The following CCNT2 variants were observed in gnomAD, a reference collection of about 807,000 sequenced individuals.
CCNT2 encodes cyclin-T2.
A neutral mutation model predicts 70.0 loss-of-function variants in CCNT2; 18 were observed. The observed-to-expected ratio is 0.26, with a 90% CI of 0.18 to 0.38. CCNT2 has a LOEUF of 0.38. Ranked by LOEUF, CCNT2 falls within the 10% of genes least tolerant of loss-of-function variation. CCNT2 has a pLI of 1.00. For missense variants in CCNT2, 734 were observed against 890.2 expected (o/e 0.82, Z 2.23); for synonymous variants, 334 against 313.3 (o/e 1.07, Z -0.70).
At position 134,952,996 on chromosome 2, in the gene CCNT2, G is replaced by C; in HGVS notation, c.775-234G>C. 3 of 490,148 alleles carry C rather than the reference G, an allele frequency of 6.1e-6. No individual in the cohort carries two copies. The South Asian group carries it at 1.1e-4, about 19-fold the overall frequency. 30.4% of individuals were successfully genotyped at this position (490,148 alleles called of 1,614,324 possible). ...GACAAGTTAAATTACTTTCTGAAGT[G>C]CTGGGCTAGGATTTAACTTGTATCT... On this transcript the variant is annotated intron_variant, in intron 8 of 8. Transcript: ENST00000264157.
At chr2:134,939,208 G>T (rs1681383021) in intron 4 of CCNT2, 146 bp downstream of exon 4, 2 of 572,468 alleles carry the variant, frequency 3.5e-6, no homozygotes, top group Admixed American at 3.1e-5. Flanking sequence ...CTGGTTATAA[G>T]GAAATTACTT....
At chr2:134,919,110 G>C in intron 1 of CCNT2, 98 bp downstream of exon 1, 1 of 1,363,622 alleles carries the variant, frequency 7.3e-7, no homozygotes. Flanking sequence ...CTCGGCCTTC[G>C]CTGGGCCTCG....
rs1490843897 is a variant in CCNT2 at position 134,953,963 on chromosome 2, G to A, written c.1508G>A (p.Gly503Glu). 1.2e-6 allele frequency: 2 copies of A among 1,613,912 alleles called. No individual in the cohort carries two copies. Among genetic ancestry groups the A allele is most frequent in the Non-Finnish European group, 1.7e-6 (2 of 1,179,956 alleles). The change falls in exon 9 of 9, where the codon GGG (glycine) becomes GAG (glutamate). Residue 503 changes from glycine (G) to glutamate (E), a missense_variant. Physicochemically the swap from Gly to Glu is moderately conservative, Grantham distance 98. Transcript: ENST00000264157. ...ATGGCAGACAAAAAGGAAAAGAGTG[G>A]GTCACTGAAATTACGGATTCCAATA... is the stretch of plus-strand genomic sequence containing the variant. ...KYMADKKEKS[G>E]SLKLRIPIPP...
At chr2:134,926,276 T>C (rs1197759030) in intron 2 of CCNT2, among the ~76,000 whole-genome samples, 1 of 152,244 alleles carries the variant, frequency 6.6e-6, no homozygotes, top group Non-Finnish European at 1.5e-5. Flanking sequence ...AAAAAGGTGA[T>C]GTACCTTCAG....
intron 2 of CCNT2, among the ~76,000 whole-genome samples, chr2:134,932,669 G>A (rs1355520132): frequency 6.6e-6 from 1 of 152,160 alleles, no homozygotes; most frequent in Non-Finnish European, 1.5e-5. Flanking sequence ...ATTCCTTAGT[G>A]CTGGTGTTTC....
rs1241865261 is a variant in CCNT2 at position 134,955,576 on chromosome 2, C to T, written c.*928C>T. The T allele has an allele frequency of 6.6e-6, 1 of 152,634 alleles. No individual in the cohort carries two copies. Among genetic ancestry groups the T allele is most frequent in the Non-Finnish European group, 1.5e-5 (1 of 68,046 alleles). The allele number at this position is 152,634 out of a possible 1,614,324, so 9.5% of individuals were successfully genotyped here. A position where few individuals can be genotyped will look rare whatever the true frequency, so the allele number is the denominator to read the frequency against. On this transcript the variant is annotated 3_prime_UTR_variant, in exon 9 of 9. Transcript: ENST00000264157. ...GATTTGAAAACTAAATTCACAATAACTTACCTAGTAGAGATTTAGTGAGTT... is the reference window on the plus strand; with the variant it reads ...GATTTGAAAACTAAATTCACAATAATTTACCTAGTAGAGATTTAGTGAGTT...
At chr2:134,948,808 G>A (rs1028896161) in intron 7 of CCNT2, among the ~76,000 whole-genome samples, 6 of 148,928 alleles carry the variant, frequency 4.0e-5, no homozygotes, top group African/African-American at 7.4e-5. Flanking sequence ...TCCACCTCCC[G>A]AGTTCAAGCA....
rs143154373 is a variant in CCNT2, at chr2:134,930,750, A to G, written c.241-6091A>G. Among the ~76,000 whole-genome samples the G allele has an allele frequency of 2.0e-3, 308 of 151,716 alleles. 2 individuals are homozygous for G. The highest frequency in any genetic ancestry group is 7.1e-3 in the African/African-American group (293 of 41,350). Reference sequence around the variant, plus strand: ...CCCTATTCTATGCATTGTCATTTTTATGTTCTTGGTGGTATTTGCAGCACA... The same window carrying G: ...CCCTATTCTATGCATTGTCATTTTTGTGTTCTTGGTGGTATTTGCAGCACA... On this transcript the variant is annotated intron_variant, in intron 2 of 8. Transcript: ENST00000264157.
At chr2:134,931,817 C>T (rs1359841560) in intron 2 of CCNT2, among the ~76,000 whole-genome samples, 1 of 152,104 alleles carries the variant, frequency 6.6e-6, no homozygotes, top group African/African-American at 2.4e-5. Context: ...TCAGGCTAGC[C>T]TCAAACCCAT....
rs971101810 is a variant in CCNT2, at chr2:134,926,039, A to AT, written c.240+6154dup. On this transcript the variant is annotated intron_variant, in intron 2 of 8. Transcript: ENST00000264157. ...TGCCACCACACAGTTAATTTTTTTA[A>AT]TTTTTTGTAGAGACAGGGGTCTCAC... Among the ~76,000 whole-genome samples, 380 of 151,280 alleles carry AT rather than the reference A, an allele frequency of 2.5e-3. 1 individual carries two copies. The highest frequency in any genetic ancestry group is 8.7e-3 in the African/African-American group (359 of 41,238).
At position 134,953,814 on chromosome 2, in the gene CCNT2, G is replaced by T. The variant is rs895595989; in HGVS notation, c.1359G>T (p.Arg453Ser). 2.5e-6 allele frequency: 4 copies of T among 1,613,430 alleles called. No homozygotes were observed. The highest frequency in any genetic ancestry group is 3.4e-6 in the Non-Finnish European group (4 of 1,179,560). Residue 453 changes from arginine to serine, a missense_variant, in exon 9 of 9, where the codon AGG (arginine) becomes AGT (serine). Arg to Ser is a moderately radical substitution (Grantham distance 110, BLOSUM62 -1). Coordinates refer to ENST00000264157, the MANE Select transcript of CCNT2 (RefSeq NM_058241.3). ...TAGAAACTCTTGATCTCGATGTAAGGGATCATTATATAGCTGCCCAGGTAG... is the reference window on the plus strand; with the variant it reads ...TAGAAACTCTTGATCTCGATGTAAGTGATCATTATATAGCTGCCCAGGTAG... Reference protein sequence around the residue: ...RKLETLDLDVRDHYIAAQVEQ... With the variant: ...RKLETLDLDVSDHYIAAQVEQ...
chr2:134,932,100 T>A (rs1019609248), intron 2 of CCNT2, among the ~76,000 whole-genome samples: 4 of 152,176 alleles, frequency 2.6e-5, no homozygotes, highest in Admixed American at 2.6e-4. Context: ...TTCCCCTGCC[T>A]CAGCCTCCCA....
chr2:134,951,782 A>G (rs563414785), intron 7 of CCNT2, among the ~76,000 whole-genome samples: 3 of 152,354 alleles, frequency 2.0e-5, no homozygotes, highest in Non-Finnish European at 4.4e-5. Context: ...ATATATGATT[A>G]TCAAAACTAG....
intron 5 of CCNT2, chr2:134,945,561 G>C (rs1681893958): frequency 1.0e-6 from 1 of 985,316 alleles, no homozygotes. Flanking sequence ...GTACCCGTAT[G>C]CTGTTTCTAG....
Position 134,947,764 on chromosome 2 carries a change from T to C in CCNT2, c.568T>C (p.Tyr190His). Reference protein sequence around the residue: ...SLHLTTFCLQYKPTVIACVCI... With the variant: ...SLHLTTFCLQHKPTVIACVCI... ...GCATCTTACAACCTTCTGTCTTCAGTACAAACCAACAGTGATAGCATGTGT... is the reference window on the plus strand; with the variant it reads ...GCATCTTACAACCTTCTGTCTTCAGCACAAACCAACAGTGATAGCATGTGT... Residue 190 changes from tyrosine (Y) to histidine (H), a missense_variant, in exon 7 of 9, where the codon TAC becomes CAC. This residue lies in a region of CCNT2 where 161 missense variants were observed against 303.8 expected (regional missense o/e 0.53). Transcript: ENST00000264157. The C allele has an allele frequency of 6.6e-7, 1 of 1,525,928 alleles. No individual in the cohort carries two copies. The highest frequency in any genetic ancestry group is 8.9e-7 in the Non-Finnish European group (1 of 1,118,888). 94.5% of individuals were successfully genotyped at this position (1,525,928 alleles called of 1,614,324 possible). A position where few individuals can be genotyped will look rare whatever the true frequency, so the allele number is the denominator to read the frequency against.
intron 2 of CCNT2, among the ~76,000 whole-genome samples, chr2:134,922,324 G>A (rs2105010224): frequency 6.6e-6 from 1 of 152,298 alleles, no homozygotes; most frequent in Non-Finnish European, 1.5e-5. Context: ...CATTAACTGT[G>A]TGAAAATATT....
intron 2 of CCNT2, among the ~76,000 whole-genome samples, chr2:134,936,176 C>T (rs1433929411): frequency 6.8e-6 from 1 of 146,694 alleles, no homozygotes; most frequent in Non-Finnish European, 1.5e-5. Context: ...TCAGGTATAG[C>T]ATCATCTTTT....
At chr2:134,924,197 T>G (rs1680113575) in intron 2 of CCNT2, among the ~76,000 whole-genome samples, 1 of 152,242 alleles carries the variant, frequency 6.6e-6, no homozygotes, top group African/African-American at 2.4e-5. Context: ...TACCTTTGAA[T>G]CTTATTCACA....
At chr2:134,936,552 G>A (rs934190871) in intron 2 of CCNT2, among the ~76,000 whole-genome samples, 1 of 152,006 alleles carries the variant, frequency 6.6e-6, no homozygotes, top group Non-Finnish European at 1.5e-5. Context: ...TCAAGAGTTC[G>A]AGACCAGCCT....
Sources: gnomAD v4.1 joint callset for allele counts (sites outside exome capture counted in the v4.1 genomes callset) on GRCh38, gnomAD v4.1.1 for gene constraint, gnomAD v4.1.1 regional missense constraint, MANE v1.5 for transcripts, NCBI Gene and HGNC (gene_info 2026-07-23, HGNC 2026-07-21) for gene names.